The following AFF1 variants were observed in gnomAD, a reference collection of about 807,000 sequenced individuals.
AFF1 encodes the protein AF4/FMR2 family member 1.
Under a neutral mutation model 121.7 loss-of-function variants are expected in AFF1, and 48 were observed. The ratio of observed to expected loss-of-function variants is 0.39; its 90% CI spans 0.31 to 0.50. The LOEUF (loss-of-function observed/expected upper bound fraction) is 0.50, where lower values mean the gene tolerates loss of function less well. Ranked by LOEUF, AFF1 falls within the 20% of genes least tolerant of loss-of-function variation. The pLI is 0.76. For missense variants in AFF1, 1,523 were observed against 1,511.7 expected, an observed-to-expected ratio of 1.01 and a Z score of -0.12; for synonymous variants, 613 against 563.0, an observed-to-expected ratio of 1.09 and a Z score of -1.26.
intron 1 of AFF1, among the ~76,000 whole-genome samples, chr4:86,946,193 A>C (rs1427409914): frequency 2.6e-5 from 4 of 151,864 alleles, no homozygotes; most frequent in Non-Finnish European, 5.9e-5. Context: ...TCTTTGCTCA[A>C]ATGTTGTGTT....
intron 2 of AFF1, among the ~76,000 whole-genome samples, chr4:86,968,413 G>C (rs1490120444): frequency 6.6e-6 from 1 of 152,006 alleles, no homozygotes; most frequent in Non-Finnish European, 1.5e-5. Flanking sequence ...TTGTCTCCCT[G>C]GATTTAGGAT....
chr4:87,105,883 T>A (rs373418422), intron 10 of AFF1, 38 bp downstream of exon 10: 16 of 1,609,100 alleles, frequency 9.9e-6, no homozygotes, highest in Non-Finnish European at 1.1e-5. Flanking sequence ...ACAGAATGTT[T>A]GCAATTTTTT....
chr4:87,068,085 ACTT>A (rs563394030), intron 4 of AFF1, among the ~76,000 whole-genome samples: 3,959 of 152,262 alleles, frequency 0.026, 74 homozygotes, highest in Middle Eastern at 0.051. Context: ...AAATAACGAA[ACTT>A]AGGAAACTTA....
chr4:87,037,990 AT>A (rs1475765212), intron 2 of AFF1, among the ~76,000 whole-genome samples: 1 of 117,488 alleles, frequency 8.5e-6, no homozygotes, highest in African/African-American at 2.5e-5. Flanking sequence ...AAATACTATA[AT>A]AAATTATAAT....
rs752338843 is a variant in AFF1 at position 87,114,382 on chromosome 4, A to G, written c.1549A>G (p.Thr517Ala). The G allele has an allele frequency of 1.9e-6, 3 of 1,595,886 alleles. No individual in the cohort carries two copies. The South Asian group carries it at 3.4e-5, about 18-fold the overall frequency. Residue 517 changes from threonine (T) to alanine (A), a missense_variant, in exon 12 of 21, where the codon ACA becomes GCA. Transcript: ENST00000395146. ...TTATTTTTAGCCTGAGCCTCCAACA[A>G]CAAACAAATGGCAGCTGGACAACTG... is the stretch of plus-strand genomic sequence containing the variant. ...TPAPEPEPPT[T>A]NKWQLDNWLT...
At chr4:87,050,451 T>G (rs547297866) in intron 4 of AFF1, among the ~76,000 whole-genome samples, 12 of 152,334 alleles carry the variant, frequency 7.9e-5, no homozygotes, top group Non-Finnish European at 1.6e-4. Context: ...TTTTTTGGTT[T>G]TTATGTTCCT....
chr4:87,027,701 G>C (rs1008184080), intron 2 of AFF1, among the ~76,000 whole-genome samples: 3 of 150,392 alleles, frequency 2.0e-5, no homozygotes, highest in African/African-American at 4.9e-5. Flanking sequence ...CTTATTCTCA[G>C]ATTATAAGTA....
At chr4:87,020,250 A>T (rs1052724891) in intron 2 of AFF1, among the ~76,000 whole-genome samples, 1 of 152,242 alleles carries the variant, frequency 6.6e-6, no homozygotes, top group African/African-American at 2.4e-5. Flanking sequence ...AAATGAATGT[A>T]TTGAGTTATA....
chr4:87,111,183 A>ATTTTTT (rs1383692920), intron 11 of AFF1, among the ~76,000 whole-genome samples: 2 of 58,634 alleles, frequency 3.4e-5, no homozygotes, highest in African/African-American at 1.2e-4. Flanking sequence ...AATTTTTTGT[A>ATTTTTT]TTTTTTTTTT....
At chr4:87,008,701 C>T (rs1726423715) in intron 2 of AFF1, among the ~76,000 whole-genome samples, 1 of 150,920 alleles carries the variant, frequency 6.6e-6, no homozygotes, top group South Asian at 2.1e-4. Flanking sequence ...AACTATATGT[C>T]TTTTCATAAT....
intron 8 of AFF1, among the ~76,000 whole-genome samples, chr4:87,105,144 T>C (rs1421946412): frequency 6.6e-6 from 1 of 152,266 alleles, no homozygotes; most frequent in Admixed American, 6.5e-5. Context: ...CTGAGTGCTT[T>C]ACAAATATTC....
chr4:86,944,882 G>C (rs936644856), intron 1 of AFF1, among the ~76,000 whole-genome samples: 3 of 152,140 alleles, frequency 2.0e-5, no homozygotes, highest in Non-Finnish European at 4.4e-5. Flanking sequence ...ACATGTATGT[G>C]TATACACACT....
chr4:87,041,581 T>TTGTA (rs1189897576), intron 2 of AFF1, among the ~76,000 whole-genome samples: 1 of 152,128 alleles, frequency 6.6e-6, no homozygotes, highest in East Asian at 1.9e-4. Context: ...TAAGGAGAAC[T>TTGTA]TGTAACTCAC....
chr4:87,032,371 T>C, intron 2 of AFF1, among the ~76,000 whole-genome samples: 1 of 152,230 alleles, frequency 6.6e-6, no homozygotes, highest in East Asian at 1.9e-4. Flanking sequence ...TTTATGACAT[T>C]AAGCTTTCTT....
intron 4 of AFF1, among the ~76,000 whole-genome samples, chr4:87,072,290 G>C (rs1722151924): frequency 1.3e-5 from 2 of 150,270 alleles, no homozygotes; most frequent in African/African-American, 4.9e-5. Context: ...GTGAACCCGG[G>C]AGGCGGAGCT....
At chr4:86,985,203 A>ATATG (rs1047851197) in intron 2 of AFF1, among the ~76,000 whole-genome samples, 1 of 134,358 alleles carries the variant, frequency 7.4e-6, no homozygotes, top group African/African-American at 2.9e-5. Flanking sequence ...ATATATATAT[A>ATATG]TATATATATA....
chr4:87,133,194 C>T (rs902148712), intron 19 of AFF1, among the ~76,000 whole-genome samples: 3 of 152,068 alleles, frequency 2.0e-5, no homozygotes, highest in Non-Finnish European at 4.4e-5. Context: ...AATTTTTTTC[C>T]CCATTTTGTG....
At chr4:87,075,255 A>G (rs1722530136) in intron 4 of AFF1, among the ~76,000 whole-genome samples, 1 of 152,028 alleles carries the variant, frequency 6.6e-6, no homozygotes, top group Non-Finnish European at 1.5e-5. Flanking sequence ...TTTTTGCTTT[A>G]GTTGATGAAA....
intron 9 of AFF1, 53 bp downstream of exon 9, chr4:87,105,735 G>C: frequency 1.2e-6 from 2 of 1,613,712 alleles, no homozygotes; most frequent in Non-Finnish European, 1.7e-6. Flanking sequence ...ACATCTAACA[G>C]ATCTGAGCTG....
Sources: gnomAD v4.1 joint callset for allele counts (sites outside exome capture counted in the v4.1 genomes callset) on GRCh38, gnomAD v4.1.1 for gene constraint, MANE v1.5 for transcripts, NCBI Gene and HGNC (gene_info 2026-07-23, HGNC 2026-07-21) for gene names.